RNF150: variants seen among roughly 807,000 people sequenced by gnomAD.
RNF150 encodes the protein ring finger protein 150.
Under a neutral mutation model 39.3 loss-of-function variants are expected in RNF150, and 24 were observed. That is an observed-to-expected ratio of 0.61 (90% CI 0.44 to 0.86). The LOEUF is 0.86. RNF150 is among the 40% of genes least tolerant of loss of function. The pLI is 0.00. For synonymous variants in RNF150, 255 were observed against 227.3 expected, an observed-to-expected ratio of 1.12 and a Z score of -1.10; for missense variants, 502 against 587.8, an observed-to-expected ratio of 0.85 and a Z score of 1.51.
Position 140,904,267 on chromosome 4 carries a change from T to G in RNF150, c.1198+6877A>C, listed in dbSNP as rs12644295. On this transcript the variant is annotated intron_variant, in intron 6 of 6. Transcript: ENST00000515673. ...TGTTACAATCTTCAAATGCTTTGTT[T>G]TATACAGAAGTAGTCACTGTGGCTT... 0.03 allele frequency among the ~76,000 whole-genome samples: 4,643 copies of G among 152,286 alleles called. 391 individuals are homozygous for G. In the East Asian group the frequency reaches 0.34, roughly 11 times the overall value.
In RNF150 at chr4:141,173,709, G is replaced by C. The variant is rs945765071; in HGVS notation, c.-6+39085C>G. On this transcript the variant is annotated intron_variant, in intron 1 of 7. Coordinates refer to the RNF150 transcript ENST00000420921. ...CAACTGCCCTACAGTTGGTTAAATA[G>C]TGTTTTTACACTTTGGACAAGCCCT... is the stretch of plus-strand genomic sequence containing the variant. Among the ~76,000 whole-genome samples, 3 of 152,144 alleles carry C rather than the reference G, an allele frequency of 2.0e-5. No individual in the cohort carries two copies. The South Asian group carries it at 6.2e-4, about 32-fold the overall frequency.
At chr4:141,106,309 T>C (rs1050941129) in intron 1 of RNF150, among the ~76,000 whole-genome samples, 2 of 152,244 alleles carry the variant, frequency 1.3e-5, no homozygotes, top group Non-Finnish European at 2.9e-5. Flanking sequence ...CTGTCTTTTC[T>C]AGCTAGGATT....
intron 1 of RNF150, among the ~76,000 whole-genome samples, chr4:141,116,874 G>A (rs994481769): frequency 3.9e-5 from 6 of 152,086 alleles, no homozygotes; most frequent in Non-Finnish European, 5.9e-5. Flanking sequence ...CATTATTCTC[G>A]GCAAACTAAC....
chr4:141,070,190 G>A (rs929177737), intron 1 of RNF150, among the ~76,000 whole-genome samples: 7 of 152,174 alleles, frequency 4.6e-5, no homozygotes, highest in Admixed American at 1.3e-4. Flanking sequence ...GTAGAAAGCT[G>A]AAACTGGATC....
chr4:141,065,117 G>A (rs879898117), intron 1 of RNF150, among the ~76,000 whole-genome samples: 8 of 152,098 alleles, frequency 5.3e-5, no homozygotes, highest in African/African-American at 1.7e-4. Flanking sequence ...TGCCCACCTC[G>A]GCCTCCCAAA....
chr4:140,961,018 T>G (rs1333315481), intron 2 of RNF150, among the ~76,000 whole-genome samples: 1 of 152,080 alleles, frequency 6.6e-6, no homozygotes, highest in Non-Finnish European at 1.5e-5. Flanking sequence ...GTCACACCAC[T>G]AGGAATTATC....
intron 6 of RNF150, among the ~76,000 whole-genome samples, chr4:140,885,039 C>T (rs1268395800): frequency 2.0e-5 from 3 of 152,036 alleles, no homozygotes; most frequent in Non-Finnish European, 2.9e-5. Flanking sequence ...TTCTTAAGTC[C>T]GTTGGTATCT....
At chr4:141,113,282 A>G (rs1739445322) in intron 1 of RNF150, among the ~76,000 whole-genome samples, 1 of 151,714 alleles carries the variant, frequency 6.6e-6, no homozygotes, top group Non-Finnish European at 1.5e-5. Context: ...TCATGTGCGA[A>G]GACACACAGA....
At chr4:141,067,722 G>A (rs2110937703) in intron 1 of RNF150, among the ~76,000 whole-genome samples, 1 of 152,232 alleles carries the variant, frequency 6.6e-6, no homozygotes, top group African/African-American at 2.4e-5. Context: ...CTAAAAGGTG[G>A]TCTTTTAGAG....
intron 5 of RNF150, among the ~76,000 whole-genome samples, chr4:140,913,262 G>GAAAACAAAAC (rs776506401): frequency 6.6e-6 from 1 of 152,038 alleles, no homozygotes; most frequent in African/African-American, 2.4e-5. Context: ...TCTGTCTCAA[G>GAAAACAAAAC]AAAACAAAAC....
intron 1 of RNF150, among the ~76,000 whole-genome samples, chr4:141,146,847 A>C (rs186443884): frequency 5.1e-4 from 77 of 152,304 alleles, no homozygotes; most frequent in African/African-American, 1.7e-3. Flanking sequence ...AATCAACAAT[A>C]CCTTCTTTCC....
intron 1 of RNF150, among the ~76,000 whole-genome samples, chr4:141,021,898 T>C (rs17425634): frequency 0.22 from 33,129 of 152,158 alleles, 4,044 homozygotes; most frequent in Middle Eastern, 0.4. Context: ...TTTGTGGCAG[T>C]GTGCAGAAAT....
intron 1 of RNF150, among the ~76,000 whole-genome samples, chr4:141,095,091 G>A (rs1450568144): frequency 6.6e-6 from 1 of 152,180 alleles, no homozygotes; most frequent in African/African-American, 2.4e-5. Context: ...GGAGGAAGAG[G>A]CTCCTCTAAG....
chr4:141,202,525 C>T (rs184816961), intron 1 of RNF150, among the ~76,000 whole-genome samples: 11 of 152,066 alleles, frequency 7.2e-5, no homozygotes, highest in Admixed American at 2.6e-4. Flanking sequence ...AAAAAAATTA[C>T]ACCAAGTTAA....
chr4:140,900,544 G>A (rs1041054319), intron 6 of RNF150, among the ~76,000 whole-genome samples: 1 of 152,190 alleles, frequency 6.6e-6, no homozygotes. Flanking sequence ...AGGAACTAAA[G>A]TAGTTCTGGT....
At chr4:141,093,994 A>G (rs1285560964) in intron 1 of RNF150, among the ~76,000 whole-genome samples, 1 of 152,214 alleles carries the variant, frequency 6.6e-6, no homozygotes, top group East Asian at 1.9e-4. Flanking sequence ...TGAAATACAT[A>G]CTAATTGAAA....
At chr4:140,975,470 TTG>T (rs1362608609) in intron 1 of RNF150, among the ~76,000 whole-genome samples, 2 of 152,056 alleles carry the variant, frequency 1.3e-5, no homozygotes, top group Non-Finnish European at 1.5e-5. Flanking sequence ...ATATTTCCCA[TTG>T]TGTGTGTATG....
intron 1 of RNF150, among the ~76,000 whole-genome samples, chr4:141,107,246 C>T (rs559388377): frequency 2.0e-5 from 3 of 152,164 alleles, no homozygotes; most frequent in African/African-American, 7.2e-5. Flanking sequence ...TCTAGTGCTA[C>T]CTATTGCTTT....
intron 1 of RNF150, among the ~76,000 whole-genome samples, chr4:141,079,148 A>AAGG (rs1738051941): frequency 5.9e-5 from 9 of 152,052 alleles, no homozygotes; most frequent in Admixed American, 5.9e-4. Context: ...AAAAAGTGAT[A>AAGG]AGGAGTATTT....
Sources: gnomAD v4.1 joint callset for allele counts (sites outside exome capture counted in the v4.1 genomes callset) on GRCh38, gnomAD v4.1.1 for gene constraint, MANE v1.5 for transcripts, NCBI Gene and HGNC (gene_info 2026-07-23, HGNC 2026-07-21) for gene names.